RIN3: variants seen among roughly 807,000 people sequenced by gnomAD.
RIN3 encodes the protein RAB5 interacting protein 3.
RIN3 carries 54 observed loss-of-function variants against 76.3 expected under a neutral mutation model. The ratio of observed to expected loss-of-function variants is 0.71; its 90% CI spans 0.57 to 0.89. The LOEUF is 0.89. Ranked by LOEUF, RIN3 falls within the 40% of genes least tolerant of loss-of-function variation. The probability of loss-of-function intolerance (pLI) is 0.00; values close to 1 mark genes in which losing one functional copy is unlikely to be tolerated. For missense variants in RIN3, 1,256 were observed against 1,322.1 expected, an observed-to-expected ratio of 0.95 and a Z score of 0.78; for synonymous variants, 576 against 564.0, an observed-to-expected ratio of 1.02 and a Z score of -0.30.
chr14:92,574,309 C>T (rs891883652), intron 2 of RIN3, among the ~76,000 whole-genome samples: 4 of 152,212 alleles, frequency 2.6e-5, no homozygotes, highest in Non-Finnish European at 4.4e-5. Flanking sequence ...GTGCCATTTG[C>T]ATTGCATGCA....
At chr14:92,584,648 G>A (rs1884700754) in intron 3 of RIN3, among the ~76,000 whole-genome samples, 1 of 152,164 alleles carries the variant, frequency 6.6e-6, no homozygotes, top group Non-Finnish European at 1.5e-5. Context: ...AGGCATGGGG[G>A]CAGGGGATGT....
intron 1 of RIN3, among the ~76,000 whole-genome samples, chr14:92,533,296 A>T (rs8016602): frequency 0.021 from 3,172 of 152,342 alleles, 112 homozygotes; most frequent in African/African-American, 0.071. Context: ...TATGGAAAAC[A>T]GTGTGCAGAT....
At position 92,636,425 on chromosome 14, in the gene RIN3, A is replaced by T. The variant is rs946570180; in HGVS notation, c.441-4813A>T. 2.0e-5 allele frequency among the ~76,000 whole-genome samples: 3 copies of T among 152,294 alleles called. No individual in the cohort carries two copies. In the East Asian group the frequency reaches 5.8e-4, roughly 29 times the overall value. ...ATGGTGAAAACCCATCTCTACTAAA[A>T]ATACAAAAATTAGCCAGGCGTGGTG... is the stretch of plus-strand genomic sequence containing the variant. On this transcript the variant is annotated intron_variant, in intron 4 of 9. Coordinates refer to ENST00000216487, the MANE Select transcript of RIN3 (RefSeq NM_024832.5).
At chr14:92,520,264 A>G (rs886329790) in intron 1 of RIN3, among the ~76,000 whole-genome samples, 2 of 152,218 alleles carry the variant, frequency 1.3e-5, no homozygotes, top group African/African-American at 4.8e-5. Context: ...GCCACATCCT[A>G]TGGGGTAATG....
chr14:92,677,092 G>A (rs935357034), intron 8 of RIN3, among the ~76,000 whole-genome samples: 1 of 152,180 alleles, frequency 6.6e-6, no homozygotes, highest in South Asian at 2.1e-4. Flanking sequence ...TTAGACAGGG[G>A]TGACCCCCAG....
At chr14:92,603,436 C>T (rs551870124) in intron 3 of RIN3, among the ~76,000 whole-genome samples, 61 of 152,246 alleles carry the variant, frequency 4.0e-4, no homozygotes, top group African/African-American at 1.4e-3. Context: ...GATCCTCTGT[C>T]GGGGAGGCCT....
intron 8 of RIN3, 55 bp downstream of exon 8, chr14:92,676,661 G>A (rs1438681863): frequency 8.8e-6 from 14 of 1,587,054 alleles, no homozygotes; most frequent in Admixed American, 1.7e-5. Flanking sequence ...ACTCAGCCAC[G>A]CCACGGGCAC....
At chr14:92,576,666 TG>T (rs1898245364) in intron 2 of RIN3, among the ~76,000 whole-genome samples, 5 of 152,120 alleles carry the variant, frequency 3.3e-5, no homozygotes, top group Admixed American at 3.3e-4. Flanking sequence ...TCACACCAGC[TG>T]GAGGAGGGGA....
intron 1 of RIN3, among the ~76,000 whole-genome samples, chr14:92,533,955 A>C (rs183248319): frequency 4.5e-4 from 69 of 152,312 alleles, no homozygotes; most frequent in Admixed American, 4.0e-3. Context: ...ACTGGATGAT[A>C]CAGGTAAAGA....
chr14:92,514,108 C>T lies in RIN3; in HGVS notation c.44+132C>T. ...GGGGTTGTCGGGCTGATACGGGACC[C>T]CCACCGTGGCCGAGGCCAGAACCTG... On this transcript the variant is annotated intron_variant, in intron 1 of 9. Transcript: ENST00000216487. The surrounding 1 kb of genome is among the most constrained non-coding windows in gnomAD (Gnocchi z 7.2). 1 of 608,762 alleles carries T rather than the reference C, an allele frequency of 1.6e-6. No homozygotes were observed. 37.7% of individuals were successfully genotyped at this position (608,762 alleles called of 1,614,324 possible).
chr14:92,570,825 T>A (rs1014856490), intron 2 of RIN3, among the ~76,000 whole-genome samples: 1 of 152,218 alleles, frequency 6.6e-6, no homozygotes, highest in Non-Finnish European at 1.5e-5. Flanking sequence ...CAGAGAAGTT[T>A]TAGCAGGATG....
At chr14:92,595,314 A>T (rs1460502703) in intron 3 of RIN3, among the ~76,000 whole-genome samples, 2 of 152,170 alleles carry the variant, frequency 1.3e-5, no homozygotes, top group African/African-American at 4.8e-5. Context: ...TGGGTAGCTG[A>T]GTGGATTGGG....
At chr14:92,524,160 CT>C (rs1896666346) in intron 1 of RIN3, among the ~76,000 whole-genome samples, 1 of 152,164 alleles carries the variant, frequency 6.6e-6, no homozygotes, top group South Asian at 2.1e-4. Flanking sequence ...CACCACTGCA[CT>C]TCGGCCTGGG....
intron 4 of RIN3, among the ~76,000 whole-genome samples, chr14:92,625,955 G>A (rs376156324): frequency 2.0e-5 from 3 of 152,134 alleles, no homozygotes; most frequent in East Asian, 3.9e-4. Flanking sequence ...TATCTGGCCA[G>A]CTATTTGTGA....
chr14:92,584,436 G>A (rs1884691352), intron 3 of RIN3, among the ~76,000 whole-genome samples: 1 of 152,252 alleles, frequency 6.6e-6, no homozygotes. Context: ...AGGATGGGAA[G>A]TCTAATCCTC....
At chr14:92,590,479 C>T (rs946837056) in intron 3 of RIN3, among the ~76,000 whole-genome samples, 1 of 152,148 alleles carries the variant, frequency 6.6e-6, no homozygotes, top group South Asian at 2.1e-4. Context: ...TAACTTGCTC[C>T]TGCTTTACAT....
At chr14:92,632,561 G>A (rs1886626043) in intron 4 of RIN3, among the ~76,000 whole-genome samples, 1 of 152,148 alleles carries the variant, frequency 6.6e-6, no homozygotes, top group Non-Finnish European at 1.5e-5. Flanking sequence ...ACTGAGGCTG[G>A]GGGTGTGACC....
chr14:92,527,232 T>G (rs1042340657), intron 1 of RIN3, among the ~76,000 whole-genome samples: 1 of 151,572 alleles, frequency 6.6e-6, no homozygotes, highest in Non-Finnish European at 1.5e-5. Flanking sequence ...TTTTGTATTT[T>G]TAGTAGAGAC....
intron 8 of RIN3, among the ~76,000 whole-genome samples, chr14:92,683,739 G>A (rs1434926631): frequency 6.6e-6 from 1 of 152,106 alleles, no homozygotes; most frequent in Non-Finnish European, 1.5e-5. Context: ...ATTAACTTAA[G>A]AAATGGATAC....
Sources: gnomAD v4.1 joint callset for allele counts (sites outside exome capture counted in the v4.1 genomes callset) on GRCh38, gnomAD v4.1.1 for gene constraint, Gnocchi (gnomAD v3.1) non-coding constraint, MANE v1.5 for transcripts, NCBI Gene and HGNC (gene_info 2026-07-23, HGNC 2026-07-21) for gene names.